The following WASHC2A variants were observed in gnomAD, a reference collection of about 807,000 sequenced individuals.
The protein encoded by WASHC2A is WASH complex subunit 2A, also known as WASH complex subunit FAM21A.
In WASHC2A, 82 loss-of-function variants were observed where a neutral mutation model predicts 140.3. That is an observed-to-expected ratio of 0.58 (90% CI 0.49 to 0.70). The LOEUF is 0.70. WASHC2A is among the 30% of genes least tolerant of loss of function. The pLI, the probability that WASHC2A is intolerant of heterozygous loss-of-function variation, is 0.00. For synonymous variants in WASHC2A, 340 were observed against 560.8 expected (o/e 0.61, Z 5.56); for missense variants, 985 against 1,521.8 (o/e 0.65, Z 5.87).
chr10:50,128,361 C>T lies in WASHC2A; in HGVS notation c.3087+566C>T, dbSNP rs556179695. On this transcript the variant is annotated intron_variant, in intron 28 of 30. Coordinates refer to ENST00000282633, the MANE Select transcript of WASHC2A (RefSeq NM_001005751.3). ...TCCTCTCTGTCCACAGCTGTGCTTC[C>T]ACATCCCCACTTCTGTGACTGTGCC... Among the ~76,000 whole-genome samples, 129 of 152,354 alleles carry T rather than the reference C, an allele frequency of 8.5e-4. 1 individual carries two copies. The highest frequency in any genetic ancestry group is 2.9e-3 in the African/African-American group (121 of 41,586).
rs1450629643 is a variant in WASHC2A, at chr10:50,097,888, C to T, written c.1548+86C>T. 3.6e-5 allele frequency: 58 copies of T among 1,598,732 alleles called. No individual in the cohort carries two copies. In the Middle Eastern group the frequency reaches 2.3e-3, roughly 63 times the overall value. ...CTGAACCCAGAGGGAAGTGCTGTTC[C>T]CTTTCACGTTCATATTGAAGAACTT... is the stretch of plus-strand genomic sequence containing the variant. On this transcript the variant is annotated intron_variant, in intron 16 of 30. Transcript: ENST00000282633.
At position 50,132,958 on chromosome 10, in the gene WASHC2A, A is replaced by T. The variant is rs1844116521; in HGVS notation, c.*13A>T. On this transcript the variant is annotated 3_prime_UTR_variant, in exon 31 of 31. Transcript: ENST00000282633. The stretch of plus-strand genomic sequence containing the variant: ...TGGAGGCCAGTAGAGCACACAGGGT[A>T]TCCACATGTTACCCTGCAGCTACAT... 2 of 1,611,980 alleles carry T rather than the reference A, an allele frequency of 1.2e-6. No individual in the cohort carries two copies. Among genetic ancestry groups the T allele is most frequent in the Non-Finnish European group, 1.7e-6 (2 of 1,179,808 alleles).
At chr10:50,100,111 A>T in intron 17 of WASHC2A, 47 bp downstream of exon 17, 1 of 1,471,830 alleles carries the variant, frequency 6.8e-7, no homozygotes, top group Admixed American at 1.8e-5. Context: ...TATGGATATG[A>T]CATAGAAACT....
At position 50,069,671 on chromosome 10, in the gene WASHC2A, A is replaced by G. The variant is rs782633271; in HGVS notation, c.251A>G (p.Asn84Ser). 2.3e-5 allele frequency: 37 copies of G among 1,613,876 alleles called. No individual in the cohort carries two copies. The highest frequency in any genetic ancestry group is 1.6e-4 in the Middle Eastern group (1 of 6,078). Residue 84 changes from asparagine (N) to serine (S), a missense_variant, in exon 3 of 31, where the codon AAT becomes AGT. Physicochemically the swap from Asn to Ser is conservative, Grantham distance 46. Coordinates refer to ENST00000282633, the MANE Select transcript of WASHC2A (RefSeq NM_001005751.3). ...ATDCRLHNVF[N>S]DFLMLSNTQF... ...GATTGTCGCCTGCATAATGTCTTCA[A>G]TGACTTCCTTATGCTCTCTAATACC...
rs914670151 is a variant in WASHC2A at position 50,129,792 on chromosome 10, T to G, written c.3461T>G (p.Ile1154Arg). ...GAGAGAACAAAACCCAAGGCAAAGA[T>G]AGCAGAGAATCCTGCCAACCCACCA... ...SVERTKPKAKIAENPANPPVG... is the reference protein window; with the variant it reads ...SVERTKPKAKRAENPANPPVG... Residue 1154 changes from isoleucine (I) to arginine (R), a missense_variant, in exon 29 of 31, where the codon ATA becomes AGA. Physicochemically the swap from Ile to Arg is moderately conservative, Grantham distance 97 (BLOSUM62 -3). Transcript: ENST00000282633. 3.4e-5 allele frequency: 55 copies of G among 1,612,042 alleles called. No individual in the cohort carries two copies. In the African/African-American group the frequency reaches 6.9e-4, roughly 20 times the overall value.
chr10:50,087,528 TAGAAA>T (rs1355847193), intron 8 of WASHC2A, among the ~76,000 whole-genome samples: 12 of 152,064 alleles, frequency 7.9e-5, no homozygotes, highest in African/African-American at 2.7e-4. Flanking sequence ...TTATTTTTCT[TAGAAA>T]AGAAGTTTCA....
In WASHC2A at chr10:50,118,042, T is replaced by C. The variant is rs782108364; in HGVS notation, c.2279T>C (p.Val760Ala). ...KESLKFGRTD[V>A]AESEKEGLLT... ...TCATTAAAATTTGGGAGAACTGATG[T>C]GGCTGAGTCAGAAAAGGTGGACTTT... is the stretch of plus-strand genomic sequence containing the variant. Residue 760 changes from valine (V) to alanine (A), a missense_variant, in exon 22 of 31, where the codon GTG becomes GCG. By Grantham distance (64) the Val-to-Ala change is moderately conservative. Coordinates refer to ENST00000282633, the MANE Select transcript of WASHC2A (RefSeq NM_001005751.3). 7 of 1,607,596 alleles carry C rather than the reference T, an allele frequency of 4.4e-6. 1 individual carries two copies. In the South Asian group the frequency reaches 5.5e-5, roughly 13 times the overall value.
chr10:50,111,941 T>C (rs2132893906), intron 20 of WASHC2A, among the ~76,000 whole-genome samples: 1 of 152,150 alleles, frequency 6.6e-6, no homozygotes, highest in Non-Finnish European at 1.5e-5. Context: ...GGCAGGAGAA[T>C]TGCTTGAACC....
In WASHC2A at chr10:50,091,524, C is replaced by G; in HGVS notation, c.931+6C>G. 1 of 1,549,590 alleles carries G rather than the reference C, an allele frequency of 6.5e-7. No homozygotes were observed. The highest frequency in any genetic ancestry group is 1.2e-5 in the South Asian group (1 of 83,966). The stretch of plus-strand genomic sequence containing the variant: ...AGTGGACGAGGAGCCGACAAGTGAG[C>G]CCCAGCCGCGTTGATGGGGAGTAGG... On this transcript the variant is annotated splice_donor_region_variant and intron_variant, in intron 10 of 30. Transcript: ENST00000282633.
chr10:50,086,116 C>T (rs1243233573), intron 7 of WASHC2A, among the ~76,000 whole-genome samples: 1 of 151,244 alleles, frequency 6.6e-6, no homozygotes, highest in Non-Finnish European at 1.5e-5. Flanking sequence ...ATGGGATATT[C>T]GTTATTGCAA....
In WASHC2A at chr10:50,117,986, T is replaced by C; in HGVS notation, c.2223T>C (p.Ser741=). 1 of 1,593,100 alleles carries C rather than the reference T, an allele frequency of 6.3e-7. No homozygotes were observed. Among genetic ancestry groups the C allele is most frequent in the Non-Finnish European group, 8.6e-7 (1 of 1,165,004 alleles). ...EEKEAQLGVK[S]VDKKVESAKE... is the part of the protein sequence containing the mutation. ...AGGAGGCACAACTTGGAGTGAAGTC[T>C]GTGGATAAGAAGGTTGAGAGTGCCA... Residue 741 remains serine (S), a synonymous_variant, in exon 22 of 31, where the codon TCT becomes TCC. Coordinates refer to ENST00000282633, the MANE Select transcript of WASHC2A (RefSeq NM_001005751.3).
At chr10:50,094,122 A>G (rs1840200415) in intron 13 of WASHC2A, among the ~76,000 whole-genome samples, 1 of 151,846 alleles carries the variant, frequency 6.6e-6, no homozygotes, top group Non-Finnish European at 1.5e-5. Context: ...CCCATACCAC[A>G]GTCTTGCCTC....
rs1429199969 is a variant in WASHC2A, at chr10:50,075,830, A to T, written c.292-2845A>T. ...TAATGTCTTATTAGGGCAAGTCCCC[A>T]TAATCTCTTTTTATTCAGAATTGTC... On this transcript the variant is annotated intron_variant, in intron 3 of 30. Transcript: ENST00000282633. Among the ~76,000 whole-genome samples, 6 of 152,136 alleles carry T rather than the reference A, an allele frequency of 3.9e-5. 1 individual carries two copies. The highest frequency in any genetic ancestry group is 1.4e-4 in the African/African-American group (6 of 41,394).
chr10:50,127,812 T>C lies in WASHC2A; in HGVS notation c.3087+17T>C, dbSNP rs1405694318. 2.9e-5 allele frequency: 37 copies of C among 1,255,358 alleles called. No homozygotes were observed. The highest frequency in any genetic ancestry group is 6.8e-6 in the Non-Finnish European group (6 of 882,862). The allele number at this position is 1,255,358 out of a possible 1,614,324, so 77.8% of individuals were successfully genotyped here. A position where few individuals can be genotyped will look rare whatever the true frequency, so the allele number is the denominator to read the frequency against. Reference sequence around the variant, plus strand: ...GCAAACAAGGTGATGAAACCATCTTTGCTTCCTTGCTCTCTTCTTTTAACC... The same window carrying C: ...GCAAACAAGGTGATGAAACCATCTTCGCTTCCTTGCTCTCTTCTTTTAACC... On this transcript the variant is annotated intron_variant, in intron 28 of 30. Transcript: ENST00000282633.
chr10:50,116,376 C>T (rs1439276567), intron 21 of WASHC2A, among the ~76,000 whole-genome samples: 3 of 82,592 alleles, frequency 3.6e-5, no homozygotes, highest in Non-Finnish European at 7.1e-5. Context: ...AGTGCAGTGG[C>T]GCATCTTGGC....
chr10:50,071,711 C>CAA (rs782491863), intron 3 of WASHC2A, among the ~76,000 whole-genome samples: 2 of 148,774 alleles, frequency 1.3e-5, no homozygotes, highest in Non-Finnish European at 3.0e-5. Flanking sequence ...CAATTTTTCT[C>CAA]AATCACAGTC....
At position 50,129,376 on chromosome 10, in the gene WASHC2A, TTATTTTATCGTCAGATCAATGTG is replaced by T. The variant is rs1843729625; in HGVS notation, c.3088-41_3088-19del. On this transcript the variant is annotated intron_variant, in intron 28 of 30. Coordinates refer to ENST00000282633, the MANE Select transcript of WASHC2A (RefSeq NM_001005751.3). ...CTTTGCCATGGTAGCTTTGAACACT[TTATTTTATCGTCAGATCAATGTG>T]TGTTTTTTTGCCATTGCAGAGCCGT... The T allele has an allele frequency of 3.7e-6, 6 of 1,612,038 alleles. No homozygotes were observed. The highest frequency in any genetic ancestry group is 5.1e-6 in the Non-Finnish European group (6 of 1,179,862).
At chr10:50,090,558 T>G (rs1554882492) in intron 8 of WASHC2A, among the ~76,000 whole-genome samples, 1 of 140,126 alleles carries the variant, frequency 7.1e-6, no homozygotes, top group Non-Finnish European at 1.6e-5. Flanking sequence ...ATATTTATAT[T>G]TTATATATAT....
At chr10:50,112,738 G>A (rs1192405438) in intron 20 of WASHC2A, among the ~76,000 whole-genome samples, 1 of 151,650 alleles carries the variant, frequency 6.6e-6, no homozygotes, top group Non-Finnish European at 1.5e-5. Context: ...ATAAAGTAGC[G>A]ATGCATCCTA....
Sources: allele counts gnomAD v4.1 joint callset (sites outside exome capture counted in the v4.1 genomes callset), GRCh38; gene constraint gnomAD v4.1.1; transcripts MANE v1.5; gene names NCBI Gene and HGNC (gene_info 2026-07-23, HGNC 2026-07-21).